Variants in ZC3H11A observed in about 807,000 individuals in gnomAD.
The protein encoded by ZC3H11A is zinc finger CCCH domain-containing protein 11A.
In ZC3H11A, 22 loss-of-function variants were observed where a neutral mutation model predicts 90.8. The observed-to-expected ratio is 0.24, with a 90% CI of 0.17 to 0.35. The LOEUF (loss-of-function observed/expected upper bound fraction) is 0.35, where lower values mean the gene tolerates loss of function less well. ZC3H11A is among the 10% of genes least tolerant of loss of function. The pLI is 1.00. For synonymous variants in ZC3H11A, 294 were observed against 339.8 expected (o/e 0.87, Z 1.48); for missense variants, 701 against 964.9 (o/e 0.73, Z 3.62).
Position 203,829,810 on chromosome 1 carries a change from A to G in ZC3H11A, c.533A>G (p.Lys178Arg). The change falls in exon 7 of 18, where the codon AAA becomes AGA. Residue 178 changes from lysine to arginine, a missense_variant. Lys to Arg is a conservative substitution (Grantham distance 26, BLOSUM62 2). This residue lies in a region of ZC3H11A where 530 missense variants were observed against 696.2 expected (regional missense o/e 0.76). Transcript: ENST00000367210. ...DQFSEEGDET[K>R]TPTLQPTPEV... Reference sequence around the variant, plus strand: ...TTTTCTGAGGAAGGTGATGAAACCAAAACACCTACCCTGCAACCAACTCCT... The same window carrying G: ...TTTTCTGAGGAAGGTGATGAAACCAGAACACCTACCCTGCAACCAACTCCT... 6.2e-7 allele frequency: 1 copy of G among 1,614,098 alleles called. No individual in the cohort carries two copies. The highest frequency in any genetic ancestry group is 8.5e-7 in the Non-Finnish European group (1 of 1,179,980).
intron 2 of ZC3H11A, among the ~76,000 whole-genome samples, chr1:203,803,620 T>C (rs1671194908): frequency 6.6e-6 from 1 of 152,214 alleles, no homozygotes; most frequent in African/African-American, 2.4e-5. Flanking sequence ...TTGTTTCGTT[T>C]TGAAACAGGG....
At position 203,852,269 on chromosome 1, in the gene ZC3H11A, C is replaced by T. The variant is rs1402064927; in HGVS notation, c.2303C>T (p.Ser768Phe). 6.2e-7 allele frequency: 1 copy of T among 1,613,564 alleles called. No homozygotes were observed. Among genetic ancestry groups the T allele is most frequent in the Non-Finnish European group, 8.5e-7 (1 of 1,179,854 alleles). Residue 768 changes from serine (S) to phenylalanine (F), a missense_variant, in exon 18 of 18, where the codon TCT becomes TTT. By Grantham distance (155) the Ser-to-Phe change is radical (BLOSUM62 -2). This residue lies in a region of ZC3H11A where 21 missense variants were observed against 49.1 expected (regional missense o/e 0.43). Transcript: ENST00000367210. ...GCCTCAACAGGAAAGCCCCCACTCT[C>T]TGTGGAGGATGATTTTGAGAAACTA... is the stretch of plus-strand genomic sequence containing the variant. ...SSASTGKPPL[S>F]VEDDFEKLIW...
Position 203,847,657 on chromosome 1 carries a change from A to G in ZC3H11A, c.1516A>G (p.Arg506Gly), listed in dbSNP as rs1688240783. ...TCAACACGAGGCCACTCCAGGGGCA[A>G]GGCGGCTGCTGCGAATCACCAAAAG... ...PSQHEATPGARRLLRITKRTG... is the reference protein window; with the variant it reads ...PSQHEATPGAGRLLRITKRTG... The change falls in exon 13 of 18, where the codon AGG becomes GGG. Residue 506 changes from arginine (R) to glycine (G), a missense_variant. Around this residue, in one of 4 missense-constraint regions of ZC3H11A, gnomAD observed 530 missense variants for 696.2 expected, o/e 0.76. Coordinates refer to ENST00000367210, the MANE Select transcript of ZC3H11A (RefSeq NM_001376342.1). The G allele has an allele frequency of 6.2e-7, 1 of 1,612,678 alleles. No homozygotes were observed.
chr1:203,849,839 T>C lies in ZC3H11A; in HGVS notation c.1752T>C (p.Asp584=), dbSNP rs1688834446. The change falls in exon 15 of 18, where the codon GAT becomes GAC. Residue 584 remains aspartate, a synonymous_variant. Coordinates refer to ENST00000367210, the MANE Select transcript of ZC3H11A (RefSeq NM_001376342.1). ...CAGTCTTGACACCTCTTCGGGGAGA[T>C]GTAGCCTCTTGCAATACCCAAGTGG... The part of the protein sequence containing the change: ...EKSVLTPLRG[D]VASCNTQVAE... The C allele has an allele frequency of 6.2e-7, 1 of 1,613,970 alleles. No homozygotes were observed. The highest frequency in any genetic ancestry group is 1.1e-5 in the South Asian group (1 of 91,070).
At chr1:203,841,073 A>G (rs1361159580) in intron 12 of ZC3H11A, among the ~76,000 whole-genome samples, 1 of 152,152 alleles carries the variant, frequency 6.6e-6, no homozygotes, top group South Asian at 2.1e-4. Context: ...CTTGCATTGT[A>G]TCAAGTGAAG....
intron 12 of ZC3H11A, among the ~76,000 whole-genome samples, chr1:203,845,958 GA>G (rs1355065954): frequency 6.6e-6 from 1 of 151,710 alleles, no homozygotes. Context: ...CAGGAGTTTG[GA>G]AAGTGAGACA....
At chr1:203,798,545 T>G in intron 1 of ZC3H11A, 1 of 1,536,128 alleles carries the variant, frequency 6.5e-7, no homozygotes, top group Non-Finnish European at 8.7e-7. Flanking sequence ...AGAGAAGTGA[T>G]CTCTTGAGTG....
intron 12 of ZC3H11A, among the ~76,000 whole-genome samples, chr1:203,842,467 G>A (rs1420192192): frequency 3.3e-5 from 5 of 152,134 alleles, no homozygotes; most frequent in Middle Eastern, 3.4e-3. Context: ...GTGTGGCGGC[G>A]CGCGCCTGCA....
At chr1:203,805,300 T>A (rs929247301) in intron 2 of ZC3H11A, among the ~76,000 whole-genome samples, 1 of 151,460 alleles carries the variant, frequency 6.6e-6, no homozygotes, top group African/African-American at 2.4e-5. Context: ...CCCGGCTAAT[T>A]TTTTGTATTT....
At chr1:203,796,305 T>G (rs1278611832) in intron 1 of ZC3H11A, 1 of 397,722 alleles carries the variant, frequency 2.5e-6, no homozygotes, top group Non-Finnish European at 4.4e-6. Context: ...TCCCGGTACT[T>G]TGGAGCTTGT....
chr1:203,833,309 G>A (rs1224808505), intron 9 of ZC3H11A, among the ~76,000 whole-genome samples: 7 of 149,242 alleles, frequency 4.7e-5, no homozygotes, highest in African/African-American at 1.7e-4. Flanking sequence ...AGGTTGCAGT[G>A]AGCCGAGATC....
chr1:203,798,488 CAAAG>C (rs1669404849), intron 1 of ZC3H11A: 1 of 1,536,126 alleles, frequency 6.5e-7, no homozygotes, highest in Non-Finnish European at 8.7e-7. Context: ...CTGTTGCCAA[CAAAG>C]ACAGTGGTGC....
chr1:203,804,521 C>T (rs1474663616), intron 2 of ZC3H11A, among the ~76,000 whole-genome samples: 1 of 152,010 alleles, frequency 6.6e-6, no homozygotes, highest in Admixed American at 6.6e-5. Context: ...GGTACTCTGC[C>T]ATCATCTGAA....
chr1:203,814,284 G>GCC (rs1675499770), intron 2 of ZC3H11A, among the ~76,000 whole-genome samples: 1 of 152,196 alleles, frequency 6.6e-6, no homozygotes, highest in South Asian at 2.1e-4. Context: ...AGCACTTTGG[G>GCC]AGGCTGAGGT....
intron 2 of ZC3H11A, among the ~76,000 whole-genome samples, chr1:203,809,796 A>G (rs1273002539): frequency 1.3e-5 from 2 of 152,082 alleles, no homozygotes; most frequent in Non-Finnish European, 2.9e-5. Flanking sequence ...TCTACTAAAA[A>G]TACAAAAATT....
intron 12 of ZC3H11A, among the ~76,000 whole-genome samples, chr1:203,844,282 C>G (rs979849107): frequency 2.0e-5 from 3 of 152,222 alleles, no homozygotes; most frequent in African/African-American, 7.2e-5. Context: ...CTGTCTCAGC[C>G]TCCCGAGTAA....
chr1:203,848,273 C>G, intron 13 of ZC3H11A, 58 bp from the exon 14 acceptor site: 1 of 1,399,896 alleles, frequency 7.1e-7, no homozygotes, highest in Non-Finnish European at 1.0e-6. Flanking sequence ...TTTAACATAT[C>G]TATCATGAAG....
chr1:203,818,824 C>G, intron 4 of ZC3H11A, 135 bp downstream of exon 4: 4 of 1,367,518 alleles, frequency 2.9e-6, no homozygotes, highest in Non-Finnish European at 3.9e-6. Flanking sequence ...AGTTCCAGCA[C>G]TTTGGGAGGC....
At chr1:203,805,533 G>GA (rs1253130776) in intron 2 of ZC3H11A, 12 of 539,908 alleles carry the variant, frequency 2.2e-5, no homozygotes, top group African/African-American at 3.8e-5. Flanking sequence ...AGAAAGGACA[G>GA]AAACGTATCT....
Sources: gnomAD v4.1 joint callset for allele counts (sites outside exome capture counted in the v4.1 genomes callset) on GRCh38, gnomAD v4.1.1 for gene constraint, gnomAD v4.1.1 regional missense constraint, MANE v1.5 for transcripts, NCBI Gene and HGNC (gene_info 2026-07-23, HGNC 2026-07-21) for gene names.